Variants in WWOX observed in about 807,000 individuals in gnomAD.
The protein encoded by WWOX is WW domain containing oxidoreductase, also known as WW domain-containing oxidoreductase.
A neutral mutation model predicts 46.2 loss-of-function variants in WWOX; 69 were observed. The ratio of observed to expected loss-of-function variants is 1.49; its 90% CI spans 1.23 to 1.82. The LOEUF (loss-of-function observed/expected upper bound fraction) is 1.82, where lower values mean the gene tolerates loss of function less well. WWOX is among the 40% of genes most tolerant of loss of function. The pLI, the probability that WWOX is intolerant of heterozygous loss-of-function variation, is 0.00. For missense variants in WWOX, 919 were observed against 542.6 expected (o/e 1.69, Z -6.89); for synonymous variants, 359 against 202.6 (o/e 1.77, Z -6.56).
At chr16:79,197,672 C>T (rs2051266649) in intron 8 of WWOX, among the ~76,000 whole-genome samples, 1 of 152,146 alleles carries the variant, frequency 6.6e-6, no homozygotes, top group Admixed American at 6.5e-5. Context: ...AAAGGCAGTT[C>T]TGTAATGACA....
chr16:78,348,389 T>G (rs2081129090), intron 5 of WWOX, among the ~76,000 whole-genome samples: 1 of 121,070 alleles, frequency 8.3e-6, no homozygotes, highest in African/African-American at 2.8e-5. Flanking sequence ...GGGGATAGGT[T>G]GTTGATAATA....
intron 8 of WWOX, among the ~76,000 whole-genome samples, chr16:79,168,780 G>A (rs774995921): frequency 3.3e-5 from 5 of 152,228 alleles, no homozygotes; most frequent in African/African-American, 4.8e-5. Context: ...CCAAGATCCC[G>A]GAGCTTGTTT....
chr16:78,547,592 C>T (rs554758741), intron 8 of WWOX, among the ~76,000 whole-genome samples: 9 of 152,262 alleles, frequency 5.9e-5, no homozygotes, highest in African/African-American at 1.9e-4. Flanking sequence ...AACTAGGTGG[C>T]TTATAAACAC....
At chr16:78,652,535 C>T (rs187314518) in intron 8 of WWOX, among the ~76,000 whole-genome samples, 4 of 152,058 alleles carry the variant, frequency 2.6e-5, no homozygotes, top group Admixed American at 2.0e-4. Flanking sequence ...ATGCAGACCC[C>T]TCAGCAGTTG....
chr16:79,081,378 G>A (rs889044462), intron 8 of WWOX, among the ~76,000 whole-genome samples: 1 of 152,140 alleles, frequency 6.6e-6, no homozygotes, highest in Non-Finnish European at 1.5e-5. Context: ...TGGCCAGGCT[G>A]GTCTTGAATT....
intron 6 of WWOX, among the ~76,000 whole-genome samples, chr16:78,389,432 C>G (rs994107816): frequency 4.6e-5 from 7 of 152,246 alleles, no homozygotes; most frequent in Non-Finnish European, 8.8e-5. Context: ...TTATGGATGG[C>G]TGACTCCTCA....
chr16:78,713,494 A>G (rs145699509), intron 8 of WWOX, among the ~76,000 whole-genome samples: 108 of 152,120 alleles, frequency 7.1e-4, no homozygotes, highest in African/African-American at 2.4e-3. Context: ...ATGTTACTCT[A>G]TTTGGAGATA....
At chr16:79,098,644 A>G (rs1440400320) in intron 8 of WWOX, among the ~76,000 whole-genome samples, 1 of 152,144 alleles carries the variant, frequency 6.6e-6, no homozygotes, top group African/African-American at 2.4e-5. Context: ...TTCATAGTGA[A>G]TTTTTCCTAA....
chr16:78,680,341 C>T (rs192763147), intron 8 of WWOX, among the ~76,000 whole-genome samples: 26 of 152,080 alleles, frequency 1.7e-4, no homozygotes, highest in Admixed American at 1.6e-3. Context: ...CCCAGGAGTT[C>T]AAGACCAGCC....
chr16:78,645,066 G>C (rs916281786), intron 8 of WWOX, among the ~76,000 whole-genome samples: 1 of 152,164 alleles, frequency 6.6e-6, no homozygotes, highest in Non-Finnish European at 1.5e-5. Flanking sequence ...CATAGTTAAA[G>C]TTCTTTAAAT....
chr16:78,384,606 C>T (rs1374787829), intron 5 of WWOX, among the ~76,000 whole-genome samples: 1 of 152,102 alleles, frequency 6.6e-6, no homozygotes, highest in African/African-American at 2.4e-5. Flanking sequence ...AGCAGACCCT[C>T]TAGCTCTGTT....
chr16:78,629,470 G>A (rs1378603984), intron 8 of WWOX, among the ~76,000 whole-genome samples: 1 of 152,158 alleles, frequency 6.6e-6, no homozygotes, highest in African/African-American at 2.4e-5. Context: ...CTCTAAAATA[G>A]AAATCTGATC....
intron 8 of WWOX, among the ~76,000 whole-genome samples, chr16:78,956,580 C>G (rs967958145): frequency 1.3e-5 from 2 of 152,092 alleles, no homozygotes; most frequent in Non-Finnish European, 2.9e-5. Context: ...TGACATGTAT[C>G]TATCATACAT....
intron 5 of WWOX, among the ~76,000 whole-genome samples, chr16:78,288,398 C>T (rs2151859011): frequency 6.6e-6 from 1 of 151,958 alleles, no homozygotes; most frequent in Non-Finnish European, 1.5e-5. Context: ...AGACCTATTC[C>T]TAGTAATTTG....
intron 8 of WWOX, among the ~76,000 whole-genome samples, chr16:79,002,951 A>G (rs1237848458): frequency 6.6e-6 from 1 of 152,238 alleles, no homozygotes; most frequent in Non-Finnish European, 1.5e-5. Context: ...TATGCTGTTT[A>G]GGAAAGAAAA....
intron 5 of WWOX, among the ~76,000 whole-genome samples, chr16:78,325,500 CA>C (rs759230206): frequency 6.6e-6 from 1 of 152,094 alleles, no homozygotes; most frequent in African/African-American, 2.4e-5. Flanking sequence ...ATTAGAATGA[CA>C]AATGAGGCAA....
intron 5 of WWOX, among the ~76,000 whole-genome samples, chr16:78,283,998 A>G (rs1267038277): frequency 1.3e-5 from 2 of 152,228 alleles, no homozygotes; most frequent in African/African-American, 4.8e-5. Context: ...AATTATCACA[A>G]ATAACATTGA....
In WWOX at chr16:78,957,882, A is replaced by C. The variant is rs972621601; in HGVS notation, c.1057-253726A>C. 6.6e-5 allele frequency among the ~76,000 whole-genome samples: 10 copies of C among 152,188 alleles called. 2 individuals are homozygous for C. Among genetic ancestry groups the C allele is most frequent in the Admixed American group, 2.6e-4 (4 of 15,278 alleles). The stretch of plus-strand genomic sequence containing the variant: ...CAGAGAAGAGGCTGGGCGTGGGGGG[A>C]CACATGACTAATCCGCCCTTTCTTT... On this transcript the variant is annotated intron_variant, in intron 8 of 8. Coordinates refer to ENST00000566780, the MANE Select transcript of WWOX (RefSeq NM_016373.4).
chr16:78,433,289 G>C (rs929225655), intron 8 of WWOX, among the ~76,000 whole-genome samples: 7 of 152,110 alleles, frequency 4.6e-5, no homozygotes, highest in Non-Finnish European at 8.8e-5. Context: ...CTTTCCCAAA[G>C]ACAATTTTGG....
Sources: allele counts gnomAD v4.1 joint callset (sites outside exome capture counted in the v4.1 genomes callset), GRCh38; gene constraint gnomAD v4.1.1; transcripts MANE v1.5; gene names NCBI Gene and HGNC (gene_info 2026-07-23, HGNC 2026-07-21).